Variants in SYN2 observed in about 807,000 individuals in gnomAD.
The protein encoded by SYN2 is synapsin II.
A neutral mutation model predicts 50.9 loss-of-function variants in SYN2; 19 were observed. The ratio of observed to expected loss-of-function variants is 0.37; its 90% confidence interval spans 0.26 to 0.55. The LOEUF (loss-of-function observed/expected upper bound fraction) is 0.55, where lower values mean the gene tolerates loss of function less well. Ranked by LOEUF, SYN2 falls within the 20% of genes least tolerant of loss-of-function variation. The pLI is 0.81. For missense variants in SYN2, 587 were observed against 576.4 expected (o/e 1.02, Z -0.19); for synonymous variants, 255 against 224.9 (o/e 1.13, Z -1.20).
Position 12,190,503 on chromosome 3 carries a change from C to T in SYN2, c.1627C>T (p.Leu543=), listed in dbSNP as rs781546656. The change falls in exon 13 of 13, where the codon CTG becomes TTG. Residue 543 remains leucine, a synonymous_variant. Transcript: ENST00000621198. ...TTTATCTTCAAGCAAGTCGCAGTCC[C>T]TGACAAATGCCTTCAGCTTCTCTGA... ...PHPQLNKSQS[L]TNAFSFSESS... 1.2e-6 allele frequency: 2 copies of T among 1,613,842 alleles called. No homozygotes were observed. Among genetic ancestry groups the T allele is most frequent in the East Asian group, 4.5e-5 (2 of 44,866 alleles).
chr3:12,178,939 C>T (rs774983847), intron 10 of SYN2, among the ~76,000 whole-genome samples: 5 of 152,234 alleles, frequency 3.3e-5, no homozygotes, highest in Non-Finnish European at 4.4e-5. Context: ...GGGAGTTCTC[C>T]ACAATACTGT....
chr3:12,124,501 CT>C (rs1315752610), intron 1 of SYN2, among the ~76,000 whole-genome samples: 3 of 151,998 alleles, frequency 2.0e-5, no homozygotes, highest in Non-Finnish European at 4.4e-5. Flanking sequence ...CAAGGGACCC[CT>C]GTACAAGAAA....
chr3:12,009,960 C>T (rs1046056984), intron 1 of SYN2, among the ~76,000 whole-genome samples: 5 of 151,998 alleles, frequency 3.3e-5, no homozygotes, highest in South Asian at 2.1e-4. Context: ...TTGGTTGTTG[C>T]GGTGTGTGCC....
Position 12,004,671 on chromosome 3 carries a change from C to T in SYN2, c.120C>T (p.Pro40=), listed in dbSNP as rs757187165. 6.8e-6 allele frequency: 2 copies of T among 292,778 alleles called. No individual in the cohort carries two copies. Among genetic ancestry groups the T allele is most frequent in the Non-Finnish European group, 1.3e-5 (2 of 155,252 alleles). The allele number at this position is 292,778 out of a possible 1,614,324, so 18.1% of individuals were successfully genotyped here. A position where few individuals can be genotyped will look rare whatever the true frequency, so the allele number is the denominator to read the frequency against. ...EPQQPPPPPP[P]GPGAASASAA... is the part of the protein sequence containing the mutation. ...AGCAGCCGCCGCCGCCGCCGCCCCC[C>T]GGTCCGGGCGCCGCCTCGGCCTCGG... Residue 40 remains proline, a synonymous_variant, in exon 1 of 13, where the codon CCC becomes CCT. Transcript: ENST00000621198.
chr3:12,167,926 C>T (rs1697842098), intron 8 of SYN2, among the ~76,000 whole-genome samples: 1 of 152,168 alleles, frequency 6.6e-6, no homozygotes. Context: ...CCTTGCCACT[C>T]CATAGCAAAG....
chr3:12,183,822 A>G (rs1187934252), intron 11 of SYN2: 10 of 1,032,898 alleles, frequency 9.7e-6, no homozygotes, highest in Non-Finnish European at 1.2e-5. Flanking sequence ...AACGAAAACC[A>G]CAAAAAGAAA....
At chr3:12,154,852 A>G (rs1198597648) in intron 5 of SYN2, among the ~76,000 whole-genome samples, 4 of 103,338 alleles carry the variant, frequency 3.9e-5, no homozygotes, top group South Asian at 8.0e-4. Context: ...GAGATTGTCT[A>G]TAAAGTTCCC....
chr3:12,006,245 ATAGTC>A (rs1205673718), intron 1 of SYN2, among the ~76,000 whole-genome samples: 1 of 152,210 alleles, frequency 6.6e-6, no homozygotes, highest in Non-Finnish European at 1.5e-5. Flanking sequence ...ACCATTCTGA[ATAGTC>A]CTTTGGGTGA....
At chr3:12,064,966 A>G (rs1695182022) in intron 1 of SYN2, among the ~76,000 whole-genome samples, 1 of 152,144 alleles carries the variant, frequency 6.6e-6, no homozygotes, top group Admixed American at 6.6e-5. Context: ...GAAAACCCAA[A>G]TGTCTGTCAA....
chr3:12,134,752 ATTG>A (rs908051485), intron 1 of SYN2, among the ~76,000 whole-genome samples: 5 of 152,142 alleles, frequency 3.3e-5, no homozygotes, highest in Non-Finnish European at 7.4e-5. Context: ...AACTTTTATT[ATTG>A]TTTTAGTTGT....
chr3:12,103,264 TTTAAGGAAC>T (rs1696113751), intron 1 of SYN2, among the ~76,000 whole-genome samples: 1 of 152,118 alleles, frequency 6.6e-6, no homozygotes, highest in South Asian at 2.1e-4. Context: ...CAGAGCTTTG[TTTAAGGAAC>T]TTAAGGAATA....
chr3:12,082,246 A>G (rs554014130), intron 1 of SYN2, among the ~76,000 whole-genome samples: 2 of 152,330 alleles, frequency 1.3e-5, no homozygotes, highest in South Asian at 4.1e-4. Flanking sequence ...GTCTACCAGG[A>G]AAGTTCATTA....
intron 4 of SYN2, among the ~76,000 whole-genome samples, chr3:12,146,680 C>T (rs1697156842): frequency 6.6e-6 from 1 of 152,176 alleles, no homozygotes; most frequent in Non-Finnish European, 1.5e-5. Flanking sequence ...TTCTGGTTTT[C>T]TCTTCCTTGG....
At chr3:12,168,280 G>T (rs1697850556) in intron 8 of SYN2, 96 bp from the exon 9 acceptor site, 2 of 903,966 alleles carry the variant, frequency 2.2e-6, no homozygotes, top group Non-Finnish European at 3.6e-6. Context: ...AATGGGAGGT[G>T]GGAGAGATGG....
chr3:12,080,213 A>G (rs960309900), intron 1 of SYN2, among the ~76,000 whole-genome samples: 4 of 150,536 alleles, frequency 2.7e-5, no homozygotes, highest in Non-Finnish European at 4.4e-5. Context: ...TAGTCTAGCT[A>G]GCAGTCTATT....
chr3:12,163,785 T>C (rs1697715786), intron 7 of SYN2, among the ~76,000 whole-genome samples: 1 of 152,142 alleles, frequency 6.6e-6, no homozygotes, highest in Non-Finnish European at 1.5e-5. Flanking sequence ...TTTAGAAATA[T>C]GCGCAATGTG....
intron 1 of SYN2, among the ~76,000 whole-genome samples, chr3:12,023,881 G>T (rs999627250): frequency 4.6e-5 from 7 of 152,126 alleles, no homozygotes; most frequent in African/African-American, 1.7e-4. Flanking sequence ...AAAAGAAGGA[G>T]TGGATACAGG....
intron 1 of SYN2, among the ~76,000 whole-genome samples, chr3:12,063,029 G>A (rs11707614): frequency 0.015 from 2,308 of 151,934 alleles, 22 homozygotes; most frequent in Middle Eastern, 0.027. Context: ...TTTGGAAAAG[G>A]CAAAACTATA....
At chr3:12,102,291 T>G (rs1195386770) in intron 1 of SYN2, among the ~76,000 whole-genome samples, 1 of 152,194 alleles carries the variant, frequency 6.6e-6, no homozygotes, top group Admixed American at 6.5e-5. Flanking sequence ...TTGCCATTCT[T>G]AGGTCTCTTA....
Sources: gnomAD v4.1 joint callset for allele counts (sites outside exome capture counted in the v4.1 genomes callset) on GRCh38, gnomAD v4.1.1 for gene constraint, MANE v1.5 for transcripts, NCBI Gene and HGNC (gene_info 2026-07-23, HGNC 2026-07-21) for gene names.